C1QTNF3: variants seen among roughly 807,000 people sequenced by gnomAD.
C1QTNF3 encodes complement C1q tumor necrosis factor-related protein 3.
A neutral mutation model predicts 32.6 loss-of-function variants in C1QTNF3; 26 were observed. That is an observed-to-expected ratio of 0.80 (90% CI 0.58 to 1.11). C1QTNF3 has a LOEUF of 1.11. Among genes scored for constraint, C1QTNF3 ranks in the 50% least tolerant of loss-of-function variants. C1QTNF3 has a pLI of 0.00. For missense variants in C1QTNF3, 362 were observed against 398.2 expected (o/e 0.91, Z 0.77); for synonymous variants, 155 against 146.0 (o/e 1.06, Z -0.44).
rs974364147 is a variant in C1QTNF3 at position 34,019,435 on chromosome 5, G to A, written c.*1148C>T. 6.6e-6 allele frequency: 1 copy of A among 152,194 alleles called. No individual in the cohort carries two copies. Among genetic ancestry groups the A allele is most frequent in the African/African-American group, 2.4e-5 (1 of 41,446 alleles). 9.4% of individuals were successfully genotyped at this position (152,194 alleles called of 1,614,324 possible). A position where few individuals can be genotyped will look rare whatever the true frequency, so the allele number is the denominator to read the frequency against. ...AACATTACAAAGACTTAAGGTATGT[G>A]ATAAAAAACCTCTTTCCTTACAGGT... On this transcript the variant is annotated 3_prime_UTR_variant, in exon 6 of 6. Transcript: ENST00000382065.
chr5:34,035,578 G>T, intron 2 of C1QTNF3, 69 bp downstream of exon 2: 1 of 1,132,314 alleles, frequency 8.8e-7, no homozygotes, highest in South Asian at 1.3e-5. Flanking sequence ...AAATTATTAA[G>T]GTTTGCCCTT....
At chr5:34,065,981 A>G in the C1QTNF3 span, among the ~76,000 whole-genome samples, 3 of 152,278 alleles carry the variant, frequency 2.0e-5, no homozygotes, top group African/African-American at 7.2e-5. Flanking sequence ...CATATACACC[A>G]TGGAATACTA....
the C1QTNF3 span, among the ~76,000 whole-genome samples, chr5:34,173,175 A>G: frequency 6.6e-6 from 1 of 152,170 alleles, no homozygotes; most frequent in South Asian, 2.1e-4. Flanking sequence ...CTCTTATGAT[A>G]AAAAATATAT....
chr5:34,222,969 A>G, the C1QTNF3 span, among the ~76,000 whole-genome samples: 1 of 152,048 alleles, frequency 6.6e-6, no homozygotes, highest in East Asian at 1.9e-4. Context: ...TCAGTGATTC[A>G]GTGCATGGTG....
At chr5:34,041,847 C>G (rs1002290119) in intron 1 of C1QTNF3, among the ~76,000 whole-genome samples, 7 of 151,990 alleles carry the variant, frequency 4.6e-5, no homozygotes, top group Admixed American at 4.6e-4. Context: ...ACCCAAACTT[C>G]TGAATCCATG....
the C1QTNF3 span, among the ~76,000 whole-genome samples, chr5:34,156,650 T>C: frequency 6.6e-6 from 1 of 152,184 alleles, no homozygotes; most frequent in Non-Finnish European, 1.5e-5. Context: ...ACTACTAATA[T>C]ACATTTAAGA....
At chr5:34,027,735 C>CA (rs34375086) in intron 4 of C1QTNF3, among the ~76,000 whole-genome samples, 40,629 of 81,080 alleles carry the variant, frequency 0.5, 10,283 homozygotes, top group Non-Finnish European at 0.61. Flanking sequence ...CCACCACCAC[C>CA]AAAAAAAAAA....
chr5:34,111,176 T>G, the C1QTNF3 span, among the ~76,000 whole-genome samples: 1 of 152,154 alleles, frequency 6.6e-6, no homozygotes, highest in Non-Finnish European at 1.5e-5. Context: ...GATCTATAGA[T>G]TCACTTGTTG....
the C1QTNF3 span, among the ~76,000 whole-genome samples, chr5:34,115,547 G>A: frequency 6.6e-6 from 1 of 151,932 alleles, no homozygotes; most frequent in Non-Finnish European, 1.5e-5. Context: ...TGGCTAACAC[G>A]GTGAAACCCC....
At chr5:34,232,804 C>T in the C1QTNF3 span, among the ~76,000 whole-genome samples, 2 of 152,168 alleles carry the variant, frequency 1.3e-5, no homozygotes, top group Non-Finnish European at 2.9e-5. Context: ...TTCACTACTA[C>T]GGTTAGCAAT....
chr5:34,074,293 A>G, the C1QTNF3 span, among the ~76,000 whole-genome samples: 1 of 151,784 alleles, frequency 6.6e-6, no homozygotes, highest in African/African-American at 2.4e-5. Flanking sequence ...GAATGCAAAC[A>G]ATTTGAGAAA....
the C1QTNF3 span, among the ~76,000 whole-genome samples, chr5:34,220,402 T>C: frequency 6.6e-6 from 1 of 152,004 alleles, no homozygotes; most frequent in East Asian, 1.9e-4. Flanking sequence ...TGATCGTCCT[T>C]CTCTATTTCA....
At chr5:34,122,525 G>A in the C1QTNF3 span, among the ~76,000 whole-genome samples, 1 of 152,344 alleles carries the variant, frequency 6.6e-6, no homozygotes, top group Admixed American at 6.5e-5. Context: ...AAATTTCTGA[G>A]CAAAGTATTG....
the C1QTNF3 span, among the ~76,000 whole-genome samples, chr5:34,238,886 T>C: frequency 6.6e-6 from 1 of 151,934 alleles, no homozygotes; most frequent in East Asian, 1.9e-4. Context: ...TAAAGGCAGC[T>C]AGAGAGAAAG....
chr5:34,207,629 C>T, the C1QTNF3 span, among the ~76,000 whole-genome samples: 1 of 151,860 alleles, frequency 6.6e-6, no homozygotes, highest in Non-Finnish European at 1.5e-5. Flanking sequence ...ATTTTTATAG[C>T]TTTATATGTT....
chr5:34,223,261 C>T, the C1QTNF3 span, among the ~76,000 whole-genome samples: 1 of 149,374 alleles, frequency 6.7e-6, no homozygotes, highest in African/African-American at 2.5e-5. Flanking sequence ...TGAGTGAGAA[C>T]ATGCAGTCTT....
At chr5:34,126,569 A>G in the C1QTNF3 span, among the ~76,000 whole-genome samples, 1 of 144,186 alleles carries the variant, frequency 6.9e-6, no homozygotes, top group Admixed American at 7.3e-5. Flanking sequence ...TTAAATTACC[A>G]TATGATCCAG....
the C1QTNF3 span, among the ~76,000 whole-genome samples, chr5:34,144,956 C>T: frequency 4.0e-4 from 61 of 152,096 alleles, 1 homozygote; most frequent in African/African-American, 1.3e-3. Flanking sequence ...GGTGTAACCC[C>T]GTCTCTACTA....
At chr5:34,067,080 C>G in the C1QTNF3 span, among the ~76,000 whole-genome samples, 1 of 152,218 alleles carries the variant, frequency 6.6e-6, no homozygotes, top group Non-Finnish European at 1.5e-5. Context: ...TAAAACATAA[C>G]AAGAGTCACA....
Sources: gnomAD v4.1 joint callset for allele counts (sites outside exome capture counted in the v4.1 genomes callset) on GRCh38, gnomAD v4.1.1 for gene constraint, MANE v1.5 for transcripts, NCBI Gene and HGNC (gene_info 2026-07-23, HGNC 2026-07-21) for gene names.